MFAP3: variants seen among roughly 807,000 people sequenced by gnomAD.
MFAP3 encodes microfibril-associated glycoprotein 3.
A neutral mutation model predicts 20.5 loss-of-function variants in MFAP3; 8 were observed. The observed-to-expected ratio is 0.39, with a 90% CI of 0.23 to 0.70. The LOEUF is 0.70. Ranked by LOEUF, MFAP3 falls within the 30% of genes least tolerant of loss-of-function variation. The pLI is 0.44. For missense variants in MFAP3, 398 were observed against 444.6 expected (o/e 0.90, Z 0.94); for synonymous variants, 140 against 154.0 (o/e 0.91, Z 0.67).
chr5:154,049,516 G>A (rs1282938680), intron 1 of MFAP3, 41 bp from the exon 2 acceptor site: 1 of 554,786 alleles, frequency 1.8e-6, no homozygotes, highest in Non-Finnish European at 3.2e-6. Context: ...ACCCCATTAT[G>A]AATCTCAGTT....
At position 154,039,016 on chromosome 5, in the gene MFAP3, G is replaced by A. The variant is rs1772818262; in HGVS notation, c.-167+5G>A. The A allele has an allele frequency of 6.6e-6, 1 of 152,474 alleles. No individual in the cohort carries two copies. The highest frequency in any genetic ancestry group is 1.9e-4 in the East Asian group (1 of 5,204). 9.4% of individuals were successfully genotyped at this position (152,474 alleles called of 1,614,324 possible). On this transcript the variant is annotated splice_donor_5th_base_variant and intron_variant, in intron 1 of 2. Coordinates refer to ENST00000522782, the MANE Select transcript of MFAP3 (RefSeq NM_005927.5). The stretch of plus-strand genomic sequence containing the variant: ...AAGGAGCTAGACGGCGGTCGGGTAG[G>A]TGACGGCTTGGTTGGGGTCGCTGCG...
chr5:154,049,905 C>A lies in MFAP3; in HGVS notation c.183C>A (p.Ile61=). The A allele has an allele frequency of 6.2e-7, 1 of 1,613,676 alleles. No individual in the cohort carries two copies. The highest frequency in any genetic ancestry group is 8.5e-7 in the Non-Finnish European group (1 of 1,179,714). The change falls in exon 2 of 3, where the codon ATC becomes ATA. Residue 61 remains isoleucine, a synonymous_variant. Coordinates refer to ENST00000522782, the MANE Select transcript of MFAP3 (RefSeq NM_005927.5). The part of the protein sequence containing the change: ...SASSHSDDDV[I]IAKEGTSVSI... ...GTTCCCACTCGGATGATGATGTCAT[C>A]ATAGCCAAAGAGGGAACTAGCGTTT... is the stretch of plus-strand genomic sequence containing the variant.
Position 154,056,890 on chromosome 5 carries a change from T to C in MFAP3, c.*3177T>C, listed in dbSNP as rs1405011730. ...ACCTTGATAGAAATATCTTAGAAAT[T>C]GCTGACCTGGAACGGTTGTGAGAAG... On this transcript the variant is annotated 3_prime_UTR_variant, in exon 3 of 3. Coordinates refer to ENST00000522782, the MANE Select transcript of MFAP3 (RefSeq NM_005927.5). Among the ~76,000 whole-genome samples, 1 of 152,234 alleles carries C rather than the reference T, an allele frequency of 6.6e-6. No homozygotes were observed. Among genetic ancestry groups the C allele is most frequent in the East Asian group, 1.9e-4 (1 of 5,204 alleles).
At chr5:154,050,610 C>CTTTTTTTTTTTTTTTTTTTT (rs11167656) in intron 2 of MFAP3, among the ~76,000 whole-genome samples, 3 of 93,286 alleles carry the variant, frequency 3.2e-5, no homozygotes, top group Non-Finnish European at 6.2e-5. Flanking sequence ...CCTTCCAGCT[C>CTTTTTTTTTTTTTTTTTTTT]TTTTTTTTTT....
chr5:154,045,938 T>G (rs533653225), intron 1 of MFAP3, among the ~76,000 whole-genome samples: 1 of 152,184 alleles, frequency 6.6e-6, no homozygotes, highest in Non-Finnish European at 1.5e-5. Flanking sequence ...CAGAGGAAAT[T>G]GAGGAACTGT....
chr5:154,039,603 A>G (rs913612332), intron 1 of MFAP3, among the ~76,000 whole-genome samples: 1 of 152,196 alleles, frequency 6.6e-6, no homozygotes, highest in Non-Finnish European at 1.5e-5. Context: ...GTGGAAAACC[A>G]TTGAAGGTTT....
intron 1 of MFAP3, among the ~76,000 whole-genome samples, chr5:154,047,627 T>C (rs1773098055): frequency 6.6e-6 from 1 of 152,230 alleles, no homozygotes; most frequent in East Asian, 1.9e-4. Context: ...TGTTTATGTG[T>C]ACGGTTACAT....
rs943724852 is a variant in MFAP3 at position 154,053,964 on chromosome 5, A to C, written c.*251A>C. ...TAAGATTTAAAGGAGCCCCAGATAA[A>C]CATGATGGGGAAAAGCACTGAACTA... is the stretch of plus-strand genomic sequence containing the variant. On this transcript the variant is annotated 3_prime_UTR_variant, in exon 3 of 3. Transcript: ENST00000522782. 7.2e-6 allele frequency: 3 copies of C among 415,296 alleles called. No homozygotes were observed. Among genetic ancestry groups the C allele is most frequent in the African/African-American group, 2.0e-5 (1 of 49,632 alleles). 25.7% of individuals were successfully genotyped at this position (415,296 alleles called of 1,614,324 possible).
In MFAP3 at chr5:154,056,753, T is replaced by C. The variant is rs1299228055; in HGVS notation, c.*3040T>C. ...GGTATTAATTGAGCTGATGCCCCAC[T>C]TGAGTTTATAGACTGTTTGATAACT... On this transcript the variant is annotated 3_prime_UTR_variant, in exon 3 of 3. Transcript: ENST00000522782. Among the ~76,000 whole-genome samples the C allele has an allele frequency of 6.6e-6, 1 of 152,208 alleles. No individual in the cohort carries two copies. The highest frequency in any genetic ancestry group is 1.5e-5 in the Non-Finnish European group (1 of 68,030).
intron 1 of MFAP3, 120 bp from the exon 2 acceptor site, chr5:154,049,437 A>T (rs934705052): frequency 6.2e-6 from 2 of 322,990 alleles, no homozygotes; most frequent in Non-Finnish European, 1.2e-5. Context: ...TGTTCCATCT[A>T]ATTACTCCCC....
chr5:154,044,623 G>T (rs990723025), intron 1 of MFAP3, among the ~76,000 whole-genome samples: 3 of 152,212 alleles, frequency 2.0e-5, no homozygotes, highest in Non-Finnish European at 4.4e-5. Context: ...CCTAAGAGCA[G>T]TTTAAGGGAG....
At chr5:154,048,365 GTTAA>G (rs907334468) in intron 1 of MFAP3, among the ~76,000 whole-genome samples, 5 of 152,074 alleles carry the variant, frequency 3.3e-5, no homozygotes, top group Non-Finnish European at 7.4e-5. Context: ...CCTTTCAAGG[GTTAA>G]TTAATGAAAA....
At chr5:154,047,430 G>T (rs1394430474) in intron 1 of MFAP3, among the ~76,000 whole-genome samples, 1 of 152,150 alleles carries the variant, frequency 6.6e-6, no homozygotes. Flanking sequence ...AAACTCAGTG[G>T]TGGGGAAGAG....
chr5:154,046,132 T>A (rs1421213003), intron 1 of MFAP3, among the ~76,000 whole-genome samples: 2 of 152,232 alleles, frequency 1.3e-5, no homozygotes, highest in Non-Finnish European at 2.9e-5. Flanking sequence ...GTTTGGAAAC[T>A]GCACTTGGTG....
rs1203751569 is a variant in MFAP3, at chr5:154,056,284, A to G, written c.*2571A>G. On this transcript the variant is annotated 3_prime_UTR_variant, in exon 3 of 3. Coordinates refer to ENST00000522782, the MANE Select transcript of MFAP3 (RefSeq NM_005927.5). ...AAAGTAACTGGTTTACTTTGAGTGTACCAGCTTATGGTGCCATTGATGAGG... is the reference window on the plus strand; with the variant it reads ...AAAGTAACTGGTTTACTTTGAGTGTGCCAGCTTATGGTGCCATTGATGAGG... 1.3e-5 allele frequency among the ~76,000 whole-genome samples: 2 copies of G among 152,222 alleles called. No homozygotes were observed. Among genetic ancestry groups the G allele is most frequent in the African/African-American group, 2.4e-5 (1 of 41,460 alleles).
At chr5:154,048,026 A>G (rs1773104409) in intron 1 of MFAP3, among the ~76,000 whole-genome samples, 1 of 152,228 alleles carries the variant, frequency 6.6e-6, no homozygotes, top group African/African-American at 2.4e-5. Flanking sequence ...CAGTCATTCA[A>G]TAAATGTTAT....
intron 1 of MFAP3, among the ~76,000 whole-genome samples, chr5:154,045,265 A>G (rs1163118285): frequency 2.0e-5 from 3 of 152,168 alleles, no homozygotes; most frequent in Non-Finnish European, 4.4e-5. Context: ...TAGGGCTCAA[A>G]GAGGGGAGCC....
rs960336854 is a variant in MFAP3, at chr5:154,056,012, CTT to C, written c.*2302_*2303del. 1.7e-4 allele frequency among the ~76,000 whole-genome samples: 26 copies of C among 152,264 alleles called. No homozygotes were observed. The highest frequency in any genetic ancestry group is 6.3e-4 in the African/African-American group (26 of 41,546). ...CCTAACATAGCAGGTTTGCAGTAAT[CTT>C]TTAGAATATAGCTTGTCAAATTAGA... On this transcript the variant is annotated 3_prime_UTR_variant, in exon 3 of 3. Transcript: ENST00000522782.
rs1445446869 is a variant in MFAP3 at position 154,053,833 on chromosome 5, A to G, written c.*120A>G. The stretch of plus-strand genomic sequence containing the variant: ...CTGGGGTTTTCCGTTTGTTAATATT[A>G]AGCACATCAGAACGTGAATTGCCAA... On this transcript the variant is annotated 3_prime_UTR_variant, in exon 3 of 3. Coordinates refer to ENST00000522782, the MANE Select transcript of MFAP3 (RefSeq NM_005927.5). The G allele has an allele frequency of 5.6e-6, 5 of 888,882 alleles. No individual in the cohort carries two copies. Among genetic ancestry groups the G allele is most frequent in the Non-Finnish European group, 8.7e-6 (5 of 574,746 alleles). The allele number at this position is 888,882 out of a possible 1,614,324, so 55.1% of individuals were successfully genotyped here.
Sources: gnomAD v4.1 joint callset for allele counts (sites outside exome capture counted in the v4.1 genomes callset) on GRCh38, gnomAD v4.1.1 for gene constraint, MANE v1.5 for transcripts, NCBI Gene and HGNC (gene_info 2026-07-23, HGNC 2026-07-21) for gene names.